The following RASAL2 variants were observed in gnomAD, a reference collection of about 807,000 sequenced individuals.
The protein encoded by RASAL2 is RAS protein activator like 2.
Under a neutral mutation model 128.9 loss-of-function variants are expected in RASAL2, and 58 were observed. That is an observed-to-expected ratio of 0.45 (90% CI 0.36 to 0.56). The LOEUF is 0.56. RASAL2 is among the 20% of genes least tolerant of loss of function. RASAL2 has a pLI of 0.00. For synonymous variants in RASAL2, 561 were observed against 580.8 expected, an observed-to-expected ratio of 0.97 and a Z score of 0.49; for missense variants, 1,360 against 1,601.6, an observed-to-expected ratio of 0.85 and a Z score of 2.57.
At chr1:178,287,624 A>T (rs1667092195) in intron 2 of RASAL2, among the ~76,000 whole-genome samples, 1 of 152,234 alleles carries the variant, frequency 6.6e-6, no homozygotes, top group Non-Finnish European at 1.5e-5. Flanking sequence ...GGATAAAGAA[A>T]ATATGGTGTA....
At chr1:178,445,803 G>T in intron 9 of RASAL2, 141 bp downstream of exon 9, 1 of 852,864 alleles carries the variant, frequency 1.2e-6, no homozygotes, top group Non-Finnish European at 1.8e-6. Flanking sequence ...AATCATGGCT[G>T]TAAGAAGTCT....
chr1:178,283,266 C>T (rs925228633), intron 1 of RASAL2, among the ~76,000 whole-genome samples: 1 of 152,124 alleles, frequency 6.6e-6, no homozygotes, highest in Non-Finnish European at 1.5e-5. Context: ...ACTGGTTAAG[C>T]TCTGAAGCAA....
intron 3 of RASAL2, among the ~76,000 whole-genome samples, chr1:178,358,441 AG>A (rs1670936655): frequency 6.6e-6 from 1 of 152,150 alleles, no homozygotes; most frequent in Admixed American, 6.6e-5. Flanking sequence ...ATTACTATCA[AG>A]GACATACAAA....
At chr1:178,318,479 G>A (rs879516157) in intron 3 of RASAL2, among the ~76,000 whole-genome samples, 2,167 of 151,456 alleles carry the variant, frequency 0.014, 33 homozygotes, top group Non-Finnish European at 0.022. Context: ...GGGTGCTCCC[G>A]TATTGGGTGC....
chr1:178,410,229 GA>G (rs950518563), intron 4 of RASAL2, among the ~76,000 whole-genome samples: 3 of 152,044 alleles, frequency 2.0e-5, no homozygotes, highest in Admixed American at 6.5e-5. Context: ...GGAAATCAGA[GA>G]AAAAAATATT....
intron 3 of RASAL2, among the ~76,000 whole-genome samples, chr1:178,347,799 A>G (rs905199627): frequency 1.3e-5 from 2 of 152,336 alleles, no homozygotes; most frequent in Admixed American, 1.3e-4. Flanking sequence ...TTACACTCCT[A>G]TTTATGTACC....
At chr1:178,341,649 GTAT>G (rs758837287) in intron 3 of RASAL2, 1 of 1,613,020 alleles carries the variant, frequency 6.2e-7, no homozygotes, top group East Asian at 2.2e-5. Flanking sequence ...GAAAAGTCAC[GTAT>G]TTAAGGGGAA....
intron 4 of RASAL2, among the ~76,000 whole-genome samples, chr1:178,414,905 A>T (rs1464792694): frequency 1.3e-5 from 2 of 152,166 alleles, no homozygotes; most frequent in Non-Finnish European, 2.9e-5. Flanking sequence ...TTTAAGGTCC[A>T]TAGAACCTGT....
At chr1:178,318,046 A>AT (rs1272920871) in intron 3 of RASAL2, among the ~76,000 whole-genome samples, 1 of 151,344 alleles carries the variant, frequency 6.6e-6, no homozygotes, top group Non-Finnish European at 1.5e-5. Context: ...TCATTTCGTT[A>AT]TGTACCCAGT....
Position 178,354,111 on chromosome 1 carries a change from A to G in RASAL2, c.458-35989A>G, listed in dbSNP as rs75124180. Among the ~76,000 whole-genome samples the G allele has an allele frequency of 3.4e-3, 517 of 152,340 alleles. 4 individuals are homozygous for G. The highest frequency in any genetic ancestry group is 0.012 in the African/African-American group (501 of 41,576). On this transcript the variant is annotated intron_variant, in intron 3 of 17. Transcript: ENST00000367649. ...ATTACAGGGAGTTTTACTCATTATT[A>G]TAGTTCCAGAAATCCTAAAAAAAAT...
chr1:178,285,902 A>G (rs1184987474), intron 2 of RASAL2, among the ~76,000 whole-genome samples: 2 of 152,204 alleles, frequency 1.3e-5, no homozygotes, highest in Non-Finnish European at 2.9e-5. Context: ...CAAGGTGCAA[A>G]TTAGTCAATT....
At position 178,439,489 on chromosome 1, in the gene RASAL2, G is replaced by A. The variant is rs199593140; in HGVS notation, c.742G>A (p.Val248Met). ...ATCCTTGCTGAGCCCATGCAGCACA[G>A]TGGAATGTCTGGATCTTGGTAGAGG... Reference protein sequence around the residue: ...HESLLSPCSTVECLDLGRGEP... With the variant: ...HESLLSPCSTMECLDLGRGEP... The change falls in exon 6 of 18, where the codon GTG becomes ATG. Residue 248 changes from valine (V) to methionine (M), a missense_variant. Val to Met is a conservative substitution (Grantham distance 21). Around this residue, in one of 3 missense-constraint regions of RASAL2, gnomAD observed 617 missense variants for 714.2 expected, o/e 0.86. Transcript: ENST00000367649. The A allele has an allele frequency of 5.6e-6, 9 of 1,612,940 alleles. No homozygotes were observed. In the East Asian group the frequency reaches 1.3e-4, roughly 24 times the overall value.
intron 1 of RASAL2, among the ~76,000 whole-genome samples, chr1:178,179,943 T>G (rs1355234805): frequency 6.6e-6 from 1 of 152,198 alleles, no homozygotes; most frequent in African/African-American, 2.4e-5. Context: ...CATTGTACAT[T>G]CAACGTTTAC....
Position 178,458,110 on chromosome 1 carries a change from T to A in RASAL2, c.2818T>A (p.Ser940Thr). The A allele has an allele frequency of 6.2e-7, 1 of 1,614,194 alleles. No homozygotes were observed. Among genetic ancestry groups the A allele is most frequent in the Non-Finnish European group, 8.5e-7 (1 of 1,180,034 alleles). Residue 940 changes from serine (S) to threonine (T), a missense_variant, in exon 14 of 18, where the codon TCT (serine) becomes ACT (threonine). Around this residue, in one of 3 missense-constraint regions of RASAL2, gnomAD observed 741 missense variants for 868.6 expected, o/e 0.85. Coordinates refer to ENST00000367649, the MANE Select transcript of RASAL2 (RefSeq NM_170692.4). The stretch of plus-strand genomic sequence containing the variant: ...CCCAATTCCAGCAATGCCAAAGGCC[T>A]CTATAGATTCCAGTTTGGAGAACCT... ...NNPIPAMPKA[S>T]IDSSLENLST...
chr1:178,139,013 C>T (rs1240486421), intron 1 of RASAL2, among the ~76,000 whole-genome samples: 1 of 151,796 alleles, frequency 6.6e-6, no homozygotes, highest in Non-Finnish European at 1.5e-5. Flanking sequence ...AAGGTAAATT[C>T]CTTGTTGTTA....
chr1:178,252,936 C>T (rs965998500), intron 1 of RASAL2, among the ~76,000 whole-genome samples: 27 of 152,308 alleles, frequency 1.8e-4, no homozygotes, highest in African/African-American at 2.9e-4. Flanking sequence ...TAAACCTTGC[C>T]TGGATTACCG....
chr1:178,159,799 G>A (rs1399163066), intron 1 of RASAL2, among the ~76,000 whole-genome samples: 3 of 151,944 alleles, frequency 2.0e-5, no homozygotes, highest in Admixed American at 6.6e-5. Context: ...CCAGCTACTC[G>A]GGAGGCTGAG....
intron 4 of RASAL2, among the ~76,000 whole-genome samples, chr1:178,420,290 A>G (rs927560508): frequency 6.6e-6 from 1 of 152,236 alleles, no homozygotes; most frequent in Non-Finnish European, 1.5e-5. Context: ...ATTAGGTGCT[A>G]CTAGAAAGTT....
At chr1:178,247,726 T>A (rs1230599119) in intron 1 of RASAL2, among the ~76,000 whole-genome samples, 1 of 152,152 alleles carries the variant, frequency 6.6e-6, no homozygotes, top group Non-Finnish European at 1.5e-5. Flanking sequence ...ATTTCCCTCT[T>A]AACACTGCCT....
Sources: gnomAD v4.1 joint callset for allele counts (sites outside exome capture counted in the v4.1 genomes callset) on GRCh38, gnomAD v4.1.1 for gene constraint, gnomAD v4.1.1 regional missense constraint, MANE v1.5 for transcripts, NCBI Gene and HGNC (gene_info 2026-07-23, HGNC 2026-07-21) for gene names.